LMLN: variants seen among roughly 807,000 people sequenced by gnomAD.
LMLN encodes leishmanolysin like peptidase.
LMLN carries 70 observed loss-of-function variants against 92.3 expected under a neutral mutation model. The observed-to-expected ratio is 0.76, with a 90% confidence interval of 0.63 to 0.92. The LOEUF is 0.92. Among genes scored for constraint, LMLN ranks in the 40% least tolerant of loss-of-function variants. LMLN has a pLI of 0.00. For synonymous variants in LMLN, 308 were observed against 296.2 expected (o/e 1.04, Z -0.41); for missense variants, 691 against 814.6 (o/e 0.85, Z 1.85).
At chr3:197,960,493 G>T in intron 1 of LMLN, 53 bp downstream of exon 1, 1 of 1,538,100 alleles carries the variant, frequency 6.5e-7, no homozygotes. Flanking sequence ...CACCCAGAAG[G>T]AGCAGGCGTA....
At chr3:197,997,550 C>T (rs1722061907) in intron 10 of LMLN, among the ~76,000 whole-genome samples, 1 of 152,172 alleles carries the variant, frequency 6.6e-6, no homozygotes, top group African/African-American at 2.4e-5. Context: ...TTGTGAGAAC[C>T]ATACAGTAAA....
intron 11 of LMLN, among the ~76,000 whole-genome samples, chr3:198,009,709 C>T (rs1476533298): frequency 6.6e-6 from 1 of 152,112 alleles, no homozygotes; most frequent in Admixed American, 6.5e-5. Flanking sequence ...ATTGTGGTAA[C>T]ATGTTTTTTA....
chr3:198,015,142 T>C (rs1383294095), intron 11 of LMLN, among the ~76,000 whole-genome samples: 30 of 106,588 alleles, frequency 2.8e-4, no homozygotes, highest in Middle Eastern at 6.8e-3. Flanking sequence ...TTTCAGAGCC[T>C]CCTAACTAGT....
intron 1 of LMLN, among the ~76,000 whole-genome samples, chr3:197,961,173 A>G (rs1482009650): frequency 2.6e-5 from 4 of 152,220 alleles, no homozygotes; most frequent in African/African-American, 7.2e-5. Context: ...AAGTACTGCT[A>G]TGGGATAATG....
chr3:197,964,245 C>T (rs1210177771), intron 1 of LMLN, among the ~76,000 whole-genome samples: 1 of 151,940 alleles, frequency 6.6e-6, no homozygotes, highest in African/African-American at 2.4e-5. Flanking sequence ...TATTGTTAGG[C>T]GGAAACTTAG....
At chr3:198,034,337 C>T (rs1281387364) in intron 14 of LMLN, among the ~76,000 whole-genome samples, 2 of 152,034 alleles carry the variant, frequency 1.3e-5, no homozygotes, top group Admixed American at 6.6e-5. Flanking sequence ...TGGCTGGGTG[C>T]GGTGGCTCAC....
At chr3:197,991,085 CT>C (rs1721853392) in intron 9 of LMLN, among the ~76,000 whole-genome samples, 3 of 149,470 alleles carry the variant, frequency 2.0e-5, no homozygotes, top group Non-Finnish European at 1.5e-5. Flanking sequence ...GAAGAGATTT[CT>C]TTTTTTCTTT....
exon 16 of LMLN, chr3:198,043,522 T>C (rs1723469778): frequency 6.5e-6 from 1 of 152,688 alleles, no homozygotes; most frequent in Non-Finnish European, 1.5e-5. Flanking sequence ...GTGTTACTCA[T>C]TCTGAAGAAA....
intron 11 of LMLN, among the ~76,000 whole-genome samples, chr3:198,015,896 T>A (rs1722624794): frequency 6.6e-6 from 1 of 152,110 alleles, no homozygotes; most frequent in South Asian, 2.1e-4. Context: ...ATTGTTATAT[T>A]TAAAAAAAAA....
At chr3:197,968,642 G>T (rs1581128707) in intron 1 of LMLN, among the ~76,000 whole-genome samples, 1 of 152,016 alleles carries the variant, frequency 6.6e-6, no homozygotes, top group South Asian at 2.1e-4. Flanking sequence ...CCTCTGCCGC[G>T]CCTCCAGCCG....
chr3:197,997,924 T>G (rs939355983), intron 10 of LMLN, among the ~76,000 whole-genome samples: 1 of 152,260 alleles, frequency 6.6e-6, no homozygotes, highest in Non-Finnish European at 1.5e-5. Flanking sequence ...CTTATTTATA[T>G]CTGTGATACC....
chr3:197,983,244 G>A (rs531676032), intron 6 of LMLN, among the ~76,000 whole-genome samples: 55 of 152,314 alleles, frequency 3.6e-4, no homozygotes, highest in Middle Eastern at 3.4e-3. Context: ...TAAGATAGTG[G>A]TAGGAGAACT....
exon 16 of LMLN, chr3:198,043,329 A>G (rs1391893914): frequency 1.3e-5 from 2 of 152,452 alleles, no homozygotes; most frequent in Non-Finnish European, 2.9e-5. Context: ...GTGCCTTACC[A>G]CTGTCCGTGT....
At chr3:198,012,648 C>T (rs1357125357) in intron 11 of LMLN, among the ~76,000 whole-genome samples, 18 of 138,200 alleles carry the variant, frequency 1.3e-4, no homozygotes, top group African/African-American at 4.0e-4. Context: ...GACTTCTCTC[C>T]ACCCTTCAGA....
At chr3:197,966,130 C>T (rs1721052803) in intron 1 of LMLN, among the ~76,000 whole-genome samples, 1 of 152,180 alleles carries the variant, frequency 6.6e-6, no homozygotes, top group Non-Finnish European at 1.5e-5. Context: ...GCAACCTCTG[C>T]CTCCTGGGTT....
In LMLN at chr3:197,976,292, T is replaced by C. The variant is rs908352296; in HGVS notation, c.431+181T>C. ...ACCTGCTGGATAATCATTCTTTCCC[T>C]GACCTTTCATTGTGAGATGGTCTAC... On this transcript the variant is annotated intron_variant, in intron 4 of 15. Coordinates refer to ENST00000330198, the Ensembl canonical transcript of LMLN. 6 of 508,610 alleles carry C rather than the reference T, an allele frequency of 1.2e-5. No individual in the cohort carries two copies. In the Admixed American group the frequency reaches 1.9e-4, roughly 16 times the overall value. 31.5% of individuals were successfully genotyped at this position (508,610 alleles called of 1,614,324 possible).
chr3:198,031,667 T>A lies in LMLN; in HGVS notation c.1657-4166T>A, dbSNP rs953659921. Among the ~76,000 whole-genome samples the A allele has an allele frequency of 6.6e-6, 1 of 152,208 alleles. No individual in the cohort carries two copies. Among genetic ancestry groups the A allele is most frequent in the Non-Finnish European group, 1.5e-5 (1 of 68,036 alleles). Reference sequence around the variant, plus strand: ...ATTCTGAGTTTCAATTGCCAGAATCTTTTTTCTTTCTTCTCTGGAAGCTGT... The same window carrying A: ...ATTCTGAGTTTCAATTGCCAGAATCATTTTTCTTTCTTCTCTGGAAGCTGT... On this transcript the variant is annotated intron_variant, in intron 14 of 15. Coordinates refer to ENST00000330198, the Ensembl canonical transcript of LMLN. The surrounding 1 kb of genome is among the most constrained non-coding windows in gnomAD (Gnocchi z 4.8).
chr3:197,976,877 A>C (rs867871541), intron 5 of LMLN, among the ~76,000 whole-genome samples, 162 bp downstream of exon 5: 6 of 152,230 alleles, frequency 3.9e-5, no homozygotes, highest in African/African-American at 1.2e-4. Flanking sequence ...TTAGCTTTCA[A>C]GTGAGTTTAA....
chr3:198,040,559 A>G (rs1490300839), exon 16 of LMLN: 1 of 149,360 alleles, frequency 6.7e-6, no homozygotes, highest in Non-Finnish European at 1.5e-5. Flanking sequence ...TGTAACCACA[A>G]CCCTCGGACA....
Sources: allele counts gnomAD v4.1 joint callset (sites outside exome capture counted in the v4.1 genomes callset), GRCh38; gene constraint gnomAD v4.1.1; non-coding constraint Gnocchi (gnomAD v3.1); transcripts MANE v1.5; gene names NCBI Gene and HGNC (gene_info 2026-07-23, HGNC 2026-07-21).